Variants in BNIP3 observed in about 807,000 individuals in gnomAD.
BNIP3 encodes the protein BCL2/adenovirus E1B 19 kDa protein-interacting protein 3.
In BNIP3, 16 loss-of-function variants were observed where a neutral mutation model predicts 23.9. The observed-to-expected ratio is 0.67, with a 90% CI of 0.45 to 1.01. The LOEUF is 1.01. Among genes scored for constraint, BNIP3 ranks in the 50% least tolerant of loss-of-function variants. The pLI is 0.00. For missense variants in BNIP3, 198 were observed against 248.7 expected (o/e 0.80, Z 1.37); for synonymous variants, 81 against 89.3 (o/e 0.91, Z 0.53).
At chr10:131,972,428 T>C (rs1309471596) in intron 3 of BNIP3, among the ~76,000 whole-genome samples, 2 of 152,190 alleles carry the variant, frequency 1.3e-5, no homozygotes, top group African/African-American at 4.8e-5. Context: ...CACTAAATTA[T>C]CAGGCTGATC....
chr10:131,968,651 G>T, intron 5 of BNIP3, 82 bp from the exon 6 acceptor site: 1 of 1,297,698 alleles, frequency 7.7e-7, no homozygotes, highest in Non-Finnish European at 1.1e-6. Flanking sequence ...GTAGCTCACT[G>T]TGGTTAGAGC....
At chr10:131,975,344 T>G (rs1464889909) in intron 1 of BNIP3, among the ~76,000 whole-genome samples, 1 of 152,198 alleles carries the variant, frequency 6.6e-6, no homozygotes, top group Non-Finnish European at 1.5e-5. Flanking sequence ...GCAAATCTGG[T>G]AGGAGCTTCC....
intron 1 of BNIP3, among the ~76,000 whole-genome samples, chr10:131,978,537 G>A (rs1456815313): frequency 6.6e-6 from 1 of 152,090 alleles, no homozygotes; most frequent in Non-Finnish European, 1.5e-5. Context: ...ATGGATTCAT[G>A]GGCCACAGCC....
chr10:131,970,555 G>GA lies in BNIP3; in HGVS notation c.539+82dup, dbSNP rs1238221001. On this transcript the variant is annotated intron_variant, in intron 5 of 5. Coordinates refer to ENST00000368636, the MANE Select transcript of BNIP3 (RefSeq NM_004052.4). This position sits in a 1 kb window ranked among gnomAD's most constrained non-coding sequence, Gnocchi z 4.1. ...CTGTAACTGATGATCTGGACTTCAG[G>GA]AAACAGGTTACGAATAAATCACTGC... The GA allele has an allele frequency of 6.6e-7, 1 of 1,514,708 alleles. No individual in the cohort carries two copies. The highest frequency in any genetic ancestry group is 8.9e-7 in the Non-Finnish European group (1 of 1,120,144). 93.8% of individuals were successfully genotyped at this position (1,514,708 alleles called of 1,614,324 possible).
chr10:131,971,102 C>A, intron 3 of BNIP3, 132 bp from the exon 4 acceptor site: 1 of 839,020 alleles, frequency 1.2e-6, no homozygotes, highest in Non-Finnish European at 1.9e-6. Context: ...TGCCTCGGAC[C>A]GTGGTCCAAG....
At position 131,977,724 on chromosome 10, in the gene BNIP3, C is replaced by A. The variant is rs78989013; in HGVS notation, c.47-3781G>T. ...CACTGGCAACATGGAGGAACACATT[C>A]GAACCAAAGCAGTGCTTTTTAAACA... On this transcript the variant is annotated intron_variant, in intron 1 of 5. Transcript: ENST00000368636. 5.4e-3 allele frequency among the ~76,000 whole-genome samples: 829 copies of A among 152,244 alleles called. 13 individuals carry two copies. Among genetic ancestry groups the A allele is most frequent in the African/African-American group, 0.019 (778 of 41,558 alleles).
Position 131,976,669 on chromosome 10 carries a change from A to G in BNIP3, c.47-2726T>C, listed in dbSNP as rs2037079826. On this transcript the variant is annotated intron_variant, in intron 1 of 5. Transcript: ENST00000368636. This position sits in a 1 kb window ranked among gnomAD's most constrained non-coding sequence, Gnocchi z 4.3. ...ACTCCCACTTACCCCACATGTCCCA[A>G]CCCTAACCCCAACCATGCTACCCGC... Among the ~76,000 whole-genome samples the G allele has an allele frequency of 6.6e-6, 1 of 151,592 alleles. No individual in the cohort carries two copies. Among genetic ancestry groups the G allele is most frequent in the Non-Finnish European group, 1.5e-5 (1 of 67,850 alleles).
rs570376010 is a variant in BNIP3 at position 131,981,919 on chromosome 10, G to C, written c.-113C>G. On this transcript the variant is annotated 5_prime_UTR_variant, in exon 1 of 6. Transcript: ENST00000368636. ...AGCGCCGCGGCCCAGCTGCGCTCCCGGACTGAGCGGAGCCCCGCAGCCCGG... is the reference window on the plus strand; with the variant it reads ...AGCGCCGCGGCCCAGCTGCGCTCCCCGACTGAGCGGAGCCCCGCAGCCCGG... 8.1e-7 allele frequency: 1 copy of C among 1,233,468 alleles called. No individual in the cohort carries two copies. The highest frequency in any genetic ancestry group is 3.2e-5 in the East Asian group (1 of 31,476). 76.4% of individuals were successfully genotyped at this position (1,233,468 alleles called of 1,614,324 possible).
intron 1 of BNIP3, among the ~76,000 whole-genome samples, chr10:131,978,536 T>C (rs553648244): frequency 1.3e-5 from 2 of 152,288 alleles, no homozygotes; most frequent in East Asian, 3.9e-4. Context: ...CATGGATTCA[T>C]GGGCCACAGC....
At position 131,976,132 on chromosome 10, in the gene BNIP3, T is replaced by C. The variant is rs368718937; in HGVS notation, c.47-2189A>G. 7.2e-5 allele frequency among the ~76,000 whole-genome samples: 11 copies of C among 152,338 alleles called. No homozygotes were observed. Among genetic ancestry groups the C allele is most frequent in the Admixed American group, 5.9e-4 (9 of 15,310 alleles). On this transcript the variant is annotated intron_variant, in intron 1 of 5. Transcript: ENST00000368636. This position sits in a 1 kb window ranked among gnomAD's most constrained non-coding sequence, Gnocchi z 4.3. The stretch of plus-strand genomic sequence containing the variant: ...CCTGAGAGAACGGCACCACAGCCTC[T>C]GTTTTGGCCAGCTGTCTTTCTCCGC...
In BNIP3 at chr10:131,970,714, C is replaced by T. The variant is rs1354164130; in HGVS notation, c.463G>A (p.Gly155Ser). 1.2e-6 allele frequency: 2 copies of T among 1,614,186 alleles called. No individual in the cohort carries two copies. Among genetic ancestry groups the T allele is most frequent in the South Asian group, 1.1e-5 (1 of 91,084 alleles). The change falls in exon 5 of 6, where the codon GGC becomes AGC. Residue 155 changes from glycine (G) to serine (S), a missense_variant. Gly to Ser is a moderately conservative substitution (Grantham distance 56). Transcript: ENST00000368636. The surrounding 1 kb of genome is among the most constrained non-coding windows in gnomAD (Gnocchi z 4.1). Reference sequence around the variant, plus strand: ...TTCAGAAATTCTGCAGAGAATATGCCCCCTTTCTTCATGACGCTCGTGTTC... The same window carrying T: ...TTCAGAAATTCTGCAGAGAATATGCTCCCTTTCTTCATGACGCTCGTGTTC... The part of the protein sequence containing the change: ...MRNTSVMKKG[G>S]IFSAEFLKVF...
chr10:131,971,076 C>T (rs1225962293), intron 3 of BNIP3, 106 bp from the exon 4 acceptor site: 1 of 1,031,018 alleles, frequency 9.7e-7, no homozygotes. Flanking sequence ...TTCAAGAGCC[C>T]AGAGGCACAT....
At chr10:131,974,129 C>A (rs2037062564) in intron 1 of BNIP3, among the ~76,000 whole-genome samples, 186 bp from the exon 2 acceptor site, 1 of 152,242 alleles carries the variant, frequency 6.6e-6, no homozygotes, top group African/African-American at 2.4e-5. Flanking sequence ...TGTCCACGCA[C>A]ACACTCCCTG....
intron 1 of BNIP3, 127 bp from the exon 2 acceptor site, chr10:131,974,070 C>A: frequency 8.1e-7 from 1 of 1,231,158 alleles, no homozygotes; most frequent in South Asian, 1.4e-5. Context: ...GGAACCATCC[C>A]TCAACCCCGA....
chr10:131,968,500 A>G lies in BNIP3; in HGVS notation c.*24T>C, dbSNP rs2036991212. On this transcript the variant is annotated 3_prime_UTR_variant, in exon 6 of 6. Transcript: ENST00000368636. ...AAGCTCAGAAGTAATCCACTAACGA[A>G]CCAAGTCAGACTCCAGTTCTTCATC... The G allele has an allele frequency of 1.9e-6, 3 of 1,563,020 alleles. No individual in the cohort carries two copies. The highest frequency in any genetic ancestry group is 1.4e-5 in the African/African-American group (1 of 73,816).
chr10:131,981,686 C>T, intron 1 of BNIP3, 75 bp downstream of exon 1: 3 of 1,428,670 alleles, frequency 2.1e-6, no homozygotes, highest in Non-Finnish European at 2.7e-6. Flanking sequence ...GCAACCTCCC[C>T]TTGGCGCCCT....
chr10:131,974,091 T>A (rs1719246191), intron 1 of BNIP3, 148 bp from the exon 2 acceptor site: 1 of 1,027,170 alleles, frequency 9.7e-7, no homozygotes, highest in Non-Finnish European at 1.4e-6. Context: ...CTTGAAGACA[T>A]CCCTCTGCCC....
intron 1 of BNIP3, chr10:131,980,849 C>A (rs979093702): frequency 6.6e-6 from 1 of 152,204 alleles, no homozygotes; most frequent in African/African-American, 2.4e-5. Context: ...ACACAAAGGT[C>A]AGCTGCCACC....
At chr10:131,974,019 C>T in intron 1 of BNIP3, 76 bp from the exon 2 acceptor site, 1 of 1,574,270 alleles carries the variant, frequency 6.4e-7, no homozygotes, top group South Asian at 1.1e-5. Context: ...TCTAACCAGC[C>T]TGCCCTTCCA....
Sources: gnomAD v4.1 joint callset for allele counts (sites outside exome capture counted in the v4.1 genomes callset) on GRCh38, gnomAD v4.1.1 for gene constraint, Gnocchi (gnomAD v3.1) non-coding constraint, MANE v1.5 for transcripts, NCBI Gene and HGNC (gene_info 2026-07-23, HGNC 2026-07-21) for gene names.